Variants in KLRK1 observed in about 807,000 individuals in gnomAD.
KLRK1 encodes the protein killer cell lectin like receptor K1.
A neutral mutation model predicts 31.3 loss-of-function variants in KLRK1; 40 were observed. The observed-to-expected ratio is 1.28, with a 90% CI of 0.99 to 1.67. KLRK1 has a LOEUF of 1.67. Among genes scored for constraint, KLRK1 ranks in the 40% most tolerant of loss-of-function variants. The pLI is 0.00. For synonymous variants in KLRK1, 77 were observed against 77.3 expected, an observed-to-expected ratio of 1.00 and a Z score of 0.02; for missense variants, 251 against 260.0, an observed-to-expected ratio of 0.97 and a Z score of 0.24.
In KLRK1 at chr12:10,385,881, T is replaced by C. The variant is rs150101030; in HGVS notation, c.148+1022A>G. 3.8e-3 allele frequency among the ~76,000 whole-genome samples: 576 copies of C among 152,104 alleles called. 3 individuals carry two copies. Among genetic ancestry groups the C allele is most frequent in the African/African-American group, 0.013 (552 of 41,522 alleles). ...TATCACTGTATCCCATAAATATGTA[T>C]AATTATTACATGCCAACTAAAAATA... On this transcript the variant is annotated intron_variant, in intron 3 of 7. Coordinates refer to ENST00000240618, the MANE Select transcript of KLRK1 (RefSeq NM_007360.4).
chr12:10,388,822 A>G lies in KLRK1; in HGVS notation c.-12T>C, dbSNP rs756923263. ...CGAATCCACCCCATCAAATACTTAT[A>G]AGTGCACGTCTACCGCAGAGAGGAA... On this transcript the variant is annotated 5_prime_UTR_variant, in exon 2 of 8. Transcript: ENST00000240618. 16 of 1,613,964 alleles carry G rather than the reference A, an allele frequency of 9.9e-6. No homozygotes were observed. The highest frequency in any genetic ancestry group is 1.4e-5 in the Non-Finnish European group (16 of 1,179,920).
intron 2 of KLRK1, among the ~76,000 whole-genome samples, chr12:10,388,450 A>C (rs1484434870): frequency 6.6e-6 from 1 of 152,222 alleles, no homozygotes; most frequent in Non-Finnish European, 1.5e-5. Flanking sequence ...GAGGTTGCAA[A>C]TTGACCCTTC....
intron 7 of KLRK1, among the ~76,000 whole-genome samples, chr12:10,375,487 GTGTC>G (rs1012070362): frequency 1.3e-5 from 2 of 152,152 alleles, no homozygotes; most frequent in Non-Finnish European, 2.9e-5. Context: ...GCTTAAATCT[GTGTC>G]TGACAGACAG....
chr12:10,380,287 G>A (rs535507945), intron 3 of KLRK1, among the ~76,000 whole-genome samples: 1 of 151,980 alleles, frequency 6.6e-6, no homozygotes, highest in Non-Finnish European at 1.5e-5. Context: ...GGACGGTCTC[G>A]ATCTCCTGAC....
intron 7 of KLRK1, among the ~76,000 whole-genome samples, chr12:10,376,810 C>CTTACTTAT (rs1862974782): frequency 1.3e-5 from 2 of 149,716 alleles, no homozygotes; most frequent in African/African-American, 2.5e-5. Flanking sequence ...CTGAAATTTA[C>CTTACTTAT]TTATTTATTT....
chr12:10,388,114 AATG>A (rs944956497), intron 2 of KLRK1, among the ~76,000 whole-genome samples: 9 of 152,212 alleles, frequency 5.9e-5, no homozygotes, highest in African/African-American at 2.2e-4. Context: ...TTATAAATTA[AATG>A]ATAATATGAA....
chr12:10,388,094 C>A (rs1863201129), intron 2 of KLRK1, among the ~76,000 whole-genome samples: 1 of 151,834 alleles, frequency 6.6e-6, no homozygotes, highest in African/African-American at 2.4e-5. Flanking sequence ...GTTTGTTGTA[C>A]AAAAGCCTTT....
intron 6 of KLRK1, 149 bp downstream of exon 6, chr12:10,378,405 C>T (rs1863005002): frequency 7.2e-6 from 10 of 1,395,246 alleles, no homozygotes; most frequent in Non-Finnish European, 8.7e-6. Flanking sequence ...AATTTCTGTG[C>T]TTTGTTATTT....
In KLRK1 at chr12:10,388,749, C is replaced by T. The variant is rs951744757; in HGVS notation, c.40+22G>A. 1.1e-5 allele frequency: 18 copies of T among 1,612,830 alleles called. No homozygotes were observed. The Admixed American group carries it at 2.7e-4, about 24-fold the overall frequency. ...AAAATTGTATAAAAACAAAACTACA[C>T]ACTTATGTGGTAAAAACATACCCCA... On this transcript the variant is annotated intron_variant, in intron 2 of 7. Coordinates refer to ENST00000240618, the MANE Select transcript of KLRK1 (RefSeq NM_007360.4).
intron 3 of KLRK1, among the ~76,000 whole-genome samples, chr12:10,385,012 G>A (rs192355218): frequency 1.3e-5 from 2 of 152,014 alleles, no homozygotes; most frequent in African/African-American, 4.8e-5. Context: ...TCATCATCAA[G>A]AAGATGAAAA....
chr12:10,388,317 C>A (rs1243216401), intron 2 of KLRK1, among the ~76,000 whole-genome samples: 1 of 151,964 alleles, frequency 6.6e-6, no homozygotes, highest in Non-Finnish European at 1.5e-5. Flanking sequence ...TTATAAACAC[C>A]TTTAGGATAA....
In KLRK1 at chr12:10,379,704, T is replaced by A; in HGVS notation, c.237A>T (p.Leu79=). 6.2e-7 allele frequency: 1 copy of A among 1,604,710 alleles called. No individual in the cohort carries two copies. Among genetic ancestry groups the A allele is most frequent in the Non-Finnish European group, 8.5e-7 (1 of 1,176,452 alleles). Reference sequence around the variant, plus strand: ...TACTTCTCTGTTGTCACTTACAGTTTAGGAATACAGCACTCCATATTGTTA... The same window carrying A: ...TACTTCTCTGTTGTCACTTACAGTTAAGGAATACAGCACTCCATATTGTTA... ...IMVTIWSAVF[L]NSLFNQEVQI... Residue 79 remains leucine (L), a synonymous_variant, in exon 4 of 8, where the codon CTA becomes CTT. Transcript: ENST00000240618.
chr12:10,386,977 A>G lies in KLRK1; in HGVS notation c.74T>C (p.Leu25Pro). ...MSEFHNYNLD[L>P]KKSDFSTRWQ... ...TCGTGTTGAAAAATCACTCTTCTTC[A>G]GATCCAAGTTATAATTATGAAATTC... Residue 25 changes from leucine (L) to proline (P), a missense_variant, in exon 3 of 8, where the codon CTG becomes CCG. Physicochemically the swap from Leu to Pro is moderately conservative, Grantham distance 98 (BLOSUM62 -3). Transcript: ENST00000240618. The G allele has an allele frequency of 1.9e-6, 3 of 1,611,442 alleles. No individual in the cohort carries two copies. Among genetic ancestry groups the G allele is most frequent in the Non-Finnish European group, 2.5e-6 (3 of 1,178,750 alleles).
At chr12:10,388,256 A>C (rs1863203753) in intron 2 of KLRK1, among the ~76,000 whole-genome samples, 1 of 152,218 alleles carries the variant, frequency 6.6e-6, no homozygotes, top group African/African-American at 2.4e-5. Context: ...GATGGCCAAA[A>C]TCATAAAGCT....
At chr12:10,388,972 CT>C (rs1863221676) in intron 1 of KLRK1, 97 bp from the exon 2 acceptor site, 1 of 676,098 alleles carries the variant, frequency 1.5e-6, no homozygotes, top group African/African-American at 1.8e-5. Context: ...AACTTTTCCC[CT>C]GTGCATGCCT....
chr12:10,372,983 G>C lies in KLRK1; in HGVS notation c.*131C>G, dbSNP rs747173714. 1.3e-6 allele frequency: 1 copy of C among 751,610 alleles called. No individual in the cohort carries two copies. Among genetic ancestry groups the C allele is most frequent in the Non-Finnish European group, 2.2e-6 (1 of 452,722 alleles). The allele number at this position is 751,610 out of a possible 1,614,324, so 46.6% of individuals were successfully genotyped here. ...TTGTTCTATGGTTTGGTCCTGTGGA[G>C]TCTAAGAAATCTGACAGTCTTTGGT... On this transcript the variant is annotated 3_prime_UTR_variant, in exon 8 of 8. Coordinates refer to ENST00000240618, the MANE Select transcript of KLRK1 (RefSeq NM_007360.4).
rs754455128 is a variant in KLRK1 at position 10,372,872 on chromosome 12, T to C, written c.*242A>G. 2.4e-6 allele frequency: 1 copy of C among 420,480 alleles called. No homozygotes were observed. The highest frequency in any genetic ancestry group is 4.2e-6 in the Non-Finnish European group (1 of 239,408). 26.0% of individuals were successfully genotyped at this position (420,480 alleles called of 1,614,324 possible). A position where few individuals can be genotyped will look rare whatever the true frequency, so the allele number is the denominator to read the frequency against. Reference sequence around the variant, plus strand: ...CAGCCCATCCACTCTGGGCTTGTGGTGGGAGAGGCAGCCTTGGGGATATCT... The same window carrying C: ...CAGCCCATCCACTCTGGGCTTGTGGCGGGAGAGGCAGCCTTGGGGATATCT... On this transcript the variant is annotated 3_prime_UTR_variant, in exon 8 of 8. Coordinates refer to ENST00000240618, the MANE Select transcript of KLRK1 (RefSeq NM_007360.4).
intron 1 of KLRK1, among the ~76,000 whole-genome samples, chr12:10,389,356 C>T (rs1000974249): frequency 3.3e-5 from 5 of 152,166 alleles, no homozygotes; most frequent in African/African-American, 1.2e-4. Flanking sequence ...CCCATATCAT[C>T]ATCATCAACA....
chr12:10,382,507 G>C (rs575628105), intron 3 of KLRK1, among the ~76,000 whole-genome samples: 42 of 152,218 alleles, frequency 2.8e-4, no homozygotes, highest in African/African-American at 9.4e-4. Context: ...CTATCGACAT[G>C]ATGGAGAGAA....
Sources: allele counts gnomAD v4.1 joint callset (sites outside exome capture counted in the v4.1 genomes callset), GRCh38; gene constraint gnomAD v4.1.1; transcripts MANE v1.5; gene names NCBI Gene and HGNC (gene_info 2026-07-23, HGNC 2026-07-21).